Variants in RAP2A observed in about 807,000 individuals in gnomAD.
RAP2A encodes RAP2A, member of RAS oncogene family, also known as ras-related protein Rap-2a.
In RAP2A, 5 loss-of-function variants were observed where a neutral mutation model predicts 15.1. That is an observed-to-expected ratio of 0.33 (90% confidence interval 0.17 to 0.70). The LOEUF (loss-of-function observed/expected upper bound fraction) is 0.70, where lower values mean the gene tolerates loss of function less well. Among genes scored for constraint, RAP2A ranks in the 30% least tolerant of loss-of-function variants. The pLI, the probability that RAP2A is intolerant of heterozygous loss-of-function variation, is 0.68. For synonymous variants in RAP2A, 110 were observed against 99.7 expected, an observed-to-expected ratio of 1.10 and a Z score of -0.62; for missense variants, 111 against 240.3, an observed-to-expected ratio of 0.46 and a Z score of 3.56.
At chr13:97,442,923 A>G (rs2153179280) in intron 1 of RAP2A, among the ~76,000 whole-genome samples, 1 of 152,336 alleles carries the variant, frequency 6.6e-6, no homozygotes, top group African/African-American at 2.4e-5. Context: ...TTGAGAAAGC[A>G]TTTATCTCTG....
In RAP2A at chr13:97,434,319, C is replaced by T. The variant is rs1488850941; in HGVS notation, c.-152C>T. ...GCTGCTCCCTCAGTTGCCGCCGCCG[C>T]CGCCGGCGCCCAGGGGGCCGCCGCG... On this transcript the variant is annotated 5_prime_UTR_variant, in exon 1 of 2. Coordinates refer to ENST00000245304, the MANE Select transcript of RAP2A (RefSeq NM_021033.7). 1.3e-5 allele frequency: 6 copies of T among 452,682 alleles called. No homozygotes were observed. Among genetic ancestry groups the T allele is most frequent in the Non-Finnish European group, 1.7e-5 (6 of 347,000 alleles). 28.0% of individuals were successfully genotyped at this position (452,682 alleles called of 1,614,324 possible).
At chr13:97,436,348 A>G (rs1286793651) in intron 1 of RAP2A, among the ~76,000 whole-genome samples, 1 of 152,190 alleles carries the variant, frequency 6.6e-6, no homozygotes, top group African/African-American at 2.4e-5. Flanking sequence ...CAACCACTCA[A>G]TTAAAAAGAA....
At chr13:97,451,747 G>A (rs1199154123) in intron 1 of RAP2A, among the ~76,000 whole-genome samples, 1 of 151,446 alleles carries the variant, frequency 6.6e-6, no homozygotes, top group African/African-American at 2.4e-5. Context: ...ATTTTTCAAA[G>A]TAGTTGTAAA....
rs1396634302 is a variant in RAP2A at position 97,466,467 on chromosome 13, G to A, written c.*2025G>A. ...GAGAAGTTGTAGATTCAAGATATATGATTTCTCTATGGAAATAAAAATATT... is the reference window on the plus strand; with the variant it reads ...GAGAAGTTGTAGATTCAAGATATATAATTTCTCTATGGAAATAAAAATATT... On this transcript the variant is annotated 3_prime_UTR_variant, in exon 2 of 2. Coordinates refer to ENST00000245304, the MANE Select transcript of RAP2A (RefSeq NM_021033.7). 1 of 152,102 alleles carries A rather than the reference G, an allele frequency of 6.6e-6. No individual in the cohort carries two copies. Among genetic ancestry groups the A allele is most frequent in the Admixed American group, 6.6e-5 (1 of 15,266 alleles). The allele number at this position is 152,102 out of a possible 1,614,324, so 9.4% of individuals were successfully genotyped here.
chr13:97,453,354 A>C (rs2066710360), intron 1 of RAP2A, among the ~76,000 whole-genome samples: 1 of 151,112 alleles, frequency 6.6e-6, no homozygotes, highest in African/African-American at 2.4e-5. Context: ...CCTTATAGTC[A>C]CACTTACTCC....
intron 1 of RAP2A, among the ~76,000 whole-genome samples, chr13:97,435,451 GC>G (rs2066629443): frequency 1.8e-5 from 1 of 55,812 alleles, no homozygotes; most frequent in Non-Finnish European, 3.5e-5. Context: ...TAATATAGCC[GC>G]CTTAACCCCT....
At chr13:97,461,982 ATATATATTTATATATTTATATT>A (rs1431418827) in intron 1 of RAP2A, among the ~76,000 whole-genome samples, 4 of 143,968 alleles carry the variant, frequency 2.8e-5, no homozygotes, top group Non-Finnish European at 6.0e-5. Flanking sequence ...ATATATATAT[ATATATATTTATATATTTATATT>A]TATATATTTA....
intron 1 of RAP2A, among the ~76,000 whole-genome samples, chr13:97,462,032 T>TTA (rs1158767725): frequency 1.4e-5 from 2 of 141,554 alleles, no homozygotes; most frequent in Admixed American, 7.0e-5. Flanking sequence ...ATTTATATAT[T>TTA]TATATATATT....
intron 1 of RAP2A, among the ~76,000 whole-genome samples, chr13:97,440,390 C>A (rs577923401): frequency 6.6e-6 from 1 of 152,108 alleles, no homozygotes; most frequent in African/African-American, 2.4e-5. Context: ...GATGGTGAAA[C>A]CTCTATCCAC....
At chr13:97,446,130 G>A (rs1367769227) in intron 1 of RAP2A, among the ~76,000 whole-genome samples, 1 of 152,096 alleles carries the variant, frequency 6.6e-6, no homozygotes, top group African/African-American at 2.4e-5. Flanking sequence ...GTGACTGTAT[G>A]TCTCTTTTAT....
intron 1 of RAP2A, among the ~76,000 whole-genome samples, chr13:97,451,885 A>C (rs1258491851): frequency 6.6e-6 from 1 of 151,416 alleles, no homozygotes; most frequent in Non-Finnish European, 1.5e-5. Flanking sequence ...TTGGTGTATA[A>C]TGATGTGGAG....
At chr13:97,453,045 CTT>C (rs535941210) in intron 1 of RAP2A, among the ~76,000 whole-genome samples, 1 of 150,870 alleles carries the variant, frequency 6.6e-6, no homozygotes, top group Admixed American at 6.6e-5. Context: ...TTGTTTGTGT[CTT>C]TTTTTTCTTT....
At chr13:97,442,678 T>C (rs532703524) in intron 1 of RAP2A, among the ~76,000 whole-genome samples, 1 of 152,330 alleles carries the variant, frequency 6.6e-6, no homozygotes, top group African/African-American at 2.4e-5. Flanking sequence ...ACCCACCAAA[T>C]TGATTTTATC....
intron 1 of RAP2A, among the ~76,000 whole-genome samples, chr13:97,460,401 C>G (rs930953797): frequency 6.6e-6 from 1 of 152,158 alleles, no homozygotes; most frequent in Admixed American, 6.5e-5. Flanking sequence ...ATTATCCAGT[C>G]CAGCTCATTT....
intron 1 of RAP2A, among the ~76,000 whole-genome samples, chr13:97,447,941 A>C (rs2066686275): frequency 1.3e-5 from 2 of 151,956 alleles, no homozygotes; most frequent in Non-Finnish European, 2.9e-5. Context: ...ACTTTAGCTC[A>C]AAACTCCTTA....
At chr13:97,462,930 A>G (rs927062463) in intron 1 of RAP2A, among the ~76,000 whole-genome samples, 4 of 152,226 alleles carry the variant, frequency 2.6e-5, no homozygotes, top group Non-Finnish European at 4.4e-5. Flanking sequence ...CCACCTGCCT[A>G]TTATCCAGTT....
chr13:97,462,620 C>G (rs1169074172), intron 1 of RAP2A, among the ~76,000 whole-genome samples: 1 of 152,138 alleles, frequency 6.6e-6, no homozygotes, highest in Admixed American at 6.5e-5. Context: ...ATATAAAGTC[C>G]TTTGATATAA....
chr13:97,461,387 A>G (rs2066745333), intron 1 of RAP2A, among the ~76,000 whole-genome samples: 2 of 150,186 alleles, frequency 1.3e-5, no homozygotes, highest in Non-Finnish European at 2.9e-5. Flanking sequence ...GATTTTAGAA[A>G]AGGCCACTGA....
At chr13:97,445,724 CTCAGTCATGGGAATACTGTGA>C (rs1364307650) in intron 1 of RAP2A, among the ~76,000 whole-genome samples, 8 of 152,278 alleles carry the variant, frequency 5.3e-5, no homozygotes, top group South Asian at 2.1e-4. Context: ...TGTGTGTGAG[CTCAGTCATGGGAATACTGTGA>C]TCCACCAGCA....
Sources: allele counts gnomAD v4.1 joint callset (sites outside exome capture counted in the v4.1 genomes callset), GRCh38; gene constraint gnomAD v4.1.1; transcripts MANE v1.5; gene names NCBI Gene and HGNC (gene_info 2026-07-23, HGNC 2026-07-21).